The following ACBD6 variants were observed in gnomAD, a reference collection of about 807,000 sequenced individuals.
ACBD6 encodes acyl-CoA-binding domain-containing protein 6.
In ACBD6, 28 loss-of-function variants were observed where a neutral mutation model predicts 37.2. The observed-to-expected ratio is 0.75, with a 90% CI of 0.56 to 1.03. The LOEUF (loss-of-function observed/expected upper bound fraction) is 1.03, where lower values mean the gene tolerates loss of function less well. ACBD6 is among the 50% of genes least tolerant of loss of function. The pLI, the probability that ACBD6 is intolerant of heterozygous loss-of-function variation, is 0.00. For synonymous variants in ACBD6, 113 were observed against 126.8 expected, an observed-to-expected ratio of 0.89 and a Z score of 0.73; for missense variants, 340 against 337.4, an observed-to-expected ratio of 1.01 and a Z score of -0.06.
Position 180,350,022 on chromosome 1 carries a change from C to CTTTTTTTTTTT in ACBD6, c.664-35301_664-35300insAAAAAAAAAAA, listed in dbSNP as rs1558261427. Among the ~76,000 whole-genome samples the CTTTTTTTTTTT allele has an allele frequency of 2.3e-5, 3 of 131,516 alleles. 1 individual carries two copies. 86.3% of individuals were successfully genotyped at this position (131,516 alleles called of 152,430 possible). A position where few individuals can be genotyped will look rare whatever the true frequency, so the allele number is the denominator to read the frequency against. ...AGGTGTTTCAGTCCTCTCCAGTGACCCTTTTTTTTTTTTTTTTTTTTTGAG... is the reference window on the plus strand; with the variant it reads ...AGGTGTTTCAGTCCTCTCCAGTGACCTTTTTTTTTTTCTTTTTTTTTTTTTTTTTTTTTGAG... On this transcript the variant is annotated intron_variant, in intron 6 of 7. Transcript: ENST00000367595.
intron 7 of ACBD6, among the ~76,000 whole-genome samples, chr1:180,309,966 T>C (rs1650524463): frequency 1.3e-5 from 2 of 152,208 alleles, no homozygotes; most frequent in Admixed American, 1.3e-4. Flanking sequence ...GTGATGTGAA[T>C]GCTGTGGAAG....
At chr1:180,352,275 A>T (rs1449054628) in intron 6 of ACBD6, among the ~76,000 whole-genome samples, 1 of 152,026 alleles carries the variant, frequency 6.6e-6, no homozygotes, top group Non-Finnish European at 1.5e-5. Flanking sequence ...TATTGTTAAT[A>T]TTATTATTAT....
At chr1:180,475,208 A>C (rs905739529) in intron 3 of ACBD6, among the ~76,000 whole-genome samples, 9 of 152,184 alleles carry the variant, frequency 5.9e-5, no homozygotes, top group African/African-American at 2.2e-4. Context: ...CAGTTTGATG[A>C]GTTTTGACGT....
chr1:180,274,312 G>C (rs1281263356), intron 10 of ACBD6: 2 of 1,614,112 alleles, frequency 1.2e-6, no homozygotes, highest in African/African-American at 1.3e-5. Context: ...ATCAGGACTT[G>C]AGGGATGGGA....
chr1:180,340,789 A>G (rs1313776685), intron 6 of ACBD6, among the ~76,000 whole-genome samples: 1 of 152,112 alleles, frequency 6.6e-6, no homozygotes, highest in Non-Finnish European at 1.5e-5. Flanking sequence ...CTATAAAAGC[A>G]CAGATGCAGG....
intron 6 of ACBD6, among the ~76,000 whole-genome samples, chr1:180,385,716 T>C (rs943063668): frequency 6.6e-6 from 1 of 152,068 alleles, no homozygotes; most frequent in Non-Finnish European, 1.5e-5. Context: ...ACAAGCCAAG[T>C]TGAGAGGCCT....
At chr1:180,424,730 AAG>A (rs1439443167) in intron 4 of ACBD6, among the ~76,000 whole-genome samples, 1 of 152,186 alleles carries the variant, frequency 6.6e-6, no homozygotes, top group Admixed American at 6.5e-5. Context: ...GTAGACAGGA[AAG>A]AGAGAACAAA....
intron 6 of ACBD6, among the ~76,000 whole-genome samples, chr1:180,327,638 CTAAT>C (rs964684436): frequency 3.2e-4 from 49 of 152,278 alleles, no homozygotes; most frequent in African/African-American, 1.1e-3. Flanking sequence ...AATTTAAAGA[CTAAT>C]TAATTTTAGT....
intron 3 of ACBD6, among the ~76,000 whole-genome samples, chr1:180,454,815 A>G (rs897120819): frequency 6.6e-6 from 1 of 152,206 alleles, no homozygotes; most frequent in Non-Finnish European, 1.5e-5. Flanking sequence ...CAAAACCACA[A>G]TGAGATACCA....
intron 7 of ACBD6, among the ~76,000 whole-genome samples, chr1:180,307,768 A>C (rs1351740247): frequency 1.3e-5 from 2 of 152,226 alleles, no homozygotes; most frequent in African/African-American, 4.8e-5. Context: ...CAGCCTGGTC[A>C]ACACGGTAAA....
chr1:180,502,138 G>A lies in ACBD6; in HGVS notation c.129C>T (p.Ala43=). The A allele has an allele frequency of 6.2e-7, 1 of 1,614,028 alleles. No homozygotes were observed. The highest frequency in any genetic ancestry group is 8.5e-7 in the Non-Finnish European group (1 of 1,179,980). The stretch of plus-strand genomic sequence containing the variant: ...GCGCGGCAGCCTTCTCAAACAGCTC[G>A]GCCAGGCAACTGGTCTCCTCGATCT... ...SPEIEETSCL[A]ELFEKAAAHL... is the part of the protein sequence containing the mutation. The change falls in exon 1 of 8, where the codon GCC becomes GCT. Residue 43 remains alanine, a synonymous_variant. Coordinates refer to ENST00000367595, the MANE Select transcript of ACBD6 (RefSeq NM_032360.4).
At position 180,314,680 on chromosome 1, in the gene ACBD6, G is replaced by C; in HGVS notation, c.694+12C>G. 2 of 1,519,238 alleles carry C rather than the reference G, an allele frequency of 1.3e-6. No homozygotes were observed. The highest frequency in any genetic ancestry group is 9.1e-7 in the Non-Finnish European group (1 of 1,096,484). 94.1% of individuals were successfully genotyped at this position (1,519,238 alleles called of 1,614,324 possible). A position where few individuals can be genotyped will look rare whatever the true frequency, so the allele number is the denominator to read the frequency against. ...TCAAATATGATTACTTAATAATTTA[G>C]AAACTTCTTACCATAATGTAGAGCT... On this transcript the variant is annotated intron_variant, in intron 7 of 7. Transcript: ENST00000367595.
In ACBD6 at chr1:180,305,629, T is replaced by C. The variant is rs147779006; in HGVS notation, c.694+9063A>G. Among the ~76,000 whole-genome samples, 413 of 152,198 alleles carry C rather than the reference T, an allele frequency of 2.7e-3. 2 individuals are homozygous for C. Among genetic ancestry groups the C allele is most frequent in the Non-Finnish European group, 3.6e-3 (242 of 68,000 alleles). On this transcript the variant is annotated intron_variant, in intron 7 of 7. Transcript: ENST00000367595. ...AGGTGCTGGAGAGGATGTGGAGAAA[T>C]AGAAACACTTTTACACTGTTGGTGG...
intron 6 of ACBD6, among the ~76,000 whole-genome samples, chr1:180,335,902 A>G (rs377409598): frequency 6.1e-5 from 9 of 146,916 alleles, no homozygotes; most frequent in African/African-American, 2.2e-4. Flanking sequence ...ACAAAGATCA[A>G]AAGAGACAAA....
intron 6 of ACBD6, among the ~76,000 whole-genome samples, chr1:180,335,308 A>T (rs1217839079): frequency 6.6e-6 from 1 of 152,160 alleles, no homozygotes; most frequent in Non-Finnish European, 1.5e-5. Context: ...CTAACAGCTG[A>T]TCTCTCGGCA....
intron 7 of ACBD6, among the ~76,000 whole-genome samples, chr1:180,291,069 T>C (rs1005707864): frequency 2.6e-5 from 4 of 152,250 alleles, no homozygotes; most frequent in African/African-American, 7.2e-5. Context: ...TCCATCCACA[T>C]TGCTTCAAGT....
At chr1:180,398,609 T>C (rs1654352961) in intron 5 of ACBD6, among the ~76,000 whole-genome samples, 2 of 152,230 alleles carry the variant, frequency 1.3e-5, no homozygotes, top group Non-Finnish European at 2.9e-5. Context: ...ATATTAATTT[T>C]AACACTTGTC....
intron 6 of ACBD6, among the ~76,000 whole-genome samples, chr1:180,337,465 A>G (rs1651781262): frequency 6.6e-6 from 1 of 152,230 alleles, no homozygotes; most frequent in African/African-American, 2.4e-5. Context: ...GCTTCATGCT[A>G]AAAACTCTCA....
intron 4 of ACBD6, among the ~76,000 whole-genome samples, chr1:180,419,548 G>A (rs1444912957): frequency 3.3e-5 from 5 of 152,160 alleles, no homozygotes; most frequent in African/African-American, 1.2e-4. Context: ...ACAACACGGA[G>A]GGTGGGGGGC....
Sources: gnomAD v4.1 joint callset for allele counts (sites outside exome capture counted in the v4.1 genomes callset) on GRCh38, gnomAD v4.1.1 for gene constraint, MANE v1.5 for transcripts, NCBI Gene and HGNC (gene_info 2026-07-23, HGNC 2026-07-21) for gene names.